The following PCM1 variants were observed in gnomAD, a reference collection of about 807,000 sequenced individuals.
The protein encoded by PCM1 is pericentriolar material 1, also known as pericentriolar material 1 protein.
In PCM1, 157 loss-of-function variants were observed where a neutral mutation model predicts 241.9. The ratio of observed to expected loss-of-function variants is 0.65; its 90% CI spans 0.57 to 0.74. PCM1 has a LOEUF of 0.74. PCM1 is among the 30% of genes least tolerant of loss of function. PCM1 has a pLI of 0.00. For synonymous variants in PCM1, 1,085 were observed against 784.9 expected (o/e 1.38, Z -6.39); for missense variants, 3,478 against 2,360.1 (o/e 1.47, Z -9.81).
intron 24 of PCM1, chr8:17,983,376 T>C (rs1021560455): frequency 1.2e-5 from 9 of 726,690 alleles, no homozygotes; most frequent in Non-Finnish European, 1.2e-5. Context: ...TTTTTTTCTT[T>C]TTTAAATTTA....
intron 29 of PCM1, among the ~76,000 whole-genome samples, chr8:18,002,663 A>G (rs2090019077): frequency 1.3e-5 from 1 of 78,038 alleles, no homozygotes; most frequent in Admixed American, 1.2e-4. Context: ...GACTTCCACA[A>G]TGGTTGAACT....
rs1255939512 is a variant in PCM1 at position 18,028,539 on chromosome 8, C to G, written c.*877C>G. ...TCTGTATGCCTTCAGATAAACTTGC[C>G]TATTGAGATGGTAATTTAAAGCCAA... On this transcript the variant is annotated 3_prime_UTR_variant, in exon 39 of 39. Coordinates refer to ENST00000325083, the MANE Select transcript of PCM1 (RefSeq NM_006197.4). The G allele has an allele frequency of 4.9e-6, 1 of 203,278 alleles. No homozygotes were observed. The highest frequency in any genetic ancestry group is 7.6e-5 in the East Asian group (1 of 13,234). 12.6% of individuals were successfully genotyped at this position (203,278 alleles called of 1,614,324 possible). A position where few individuals can be genotyped will look rare whatever the true frequency, so the allele number is the denominator to read the frequency against.
At position 18,017,330 on chromosome 8, in the gene PCM1, T is replaced by TAATA. The variant is rs113731894; in HGVS notation, c.5841+2491_5841+2494dup. Among the ~76,000 whole-genome samples the TAATA allele has an allele frequency of 7.9e-4, 120 of 152,326 alleles. 1 individual carries two copies. The highest frequency in any genetic ancestry group is 2.8e-3 in the African/African-American group (117 of 41,584). ...AAATGGTTTTTATGGTTTTATTCATTAATAGTCTCTGACTAGAGTCTGGTG... is the reference window on the plus strand; with the variant it reads ...AAATGGTTTTTATGGTTTTATTCATTAATAAATAGTCTCTGACTAGAGTCTGGTG... On this transcript the variant is annotated intron_variant, in intron 36 of 38. Coordinates refer to ENST00000325083, the MANE Select transcript of PCM1 (RefSeq NM_006197.4).
At chr8:17,931,948 C>G (rs1384900366) in intron 2 of PCM1, among the ~76,000 whole-genome samples, 2 of 152,244 alleles carry the variant, frequency 1.3e-5, no homozygotes, top group African/African-American at 4.8e-5. Context: ...AGAAAAATCA[C>G]CAGTGCCTAC....
intron 23 of PCM1, among the ~76,000 whole-genome samples, chr8:17,975,288 C>T (rs911288575): frequency 1.3e-5 from 2 of 152,070 alleles, no homozygotes; most frequent in African/African-American, 2.4e-5. Context: ...CTCATCCTCC[C>T]GAGTAGCTGG....
intron 25 of PCM1, 48 bp from the exon 26 acceptor site, chr8:17,985,911 T>G: frequency 8.1e-7 from 1 of 1,231,002 alleles, no homozygotes. Context: ...AAATGAATGA[T>G]TAAGCATGTA....
In PCM1 at chr8:17,972,312, T is replaced by G. The variant is rs1353688303; in HGVS notation, c.3585-17T>G. 1.4e-6 allele frequency: 2 copies of G among 1,409,250 alleles called. No homozygotes were observed. The highest frequency in any genetic ancestry group is 2.4e-5 in the East Asian group (1 of 42,052). 87.3% of individuals were successfully genotyped at this position (1,409,250 alleles called of 1,614,324 possible). A position where few individuals can be genotyped will look rare whatever the true frequency, so the allele number is the denominator to read the frequency against. ...ACTATAGTTGTTAACTTATAAAAAC[T>G]TGTTTTCATTGGTAAGGAATAAAAA... On this transcript the variant is annotated splice_polypyrimidine_tract_variant and intron_variant, in intron 22 of 38. Coordinates refer to ENST00000325083, the MANE Select transcript of PCM1 (RefSeq NM_006197.4).
chr8:17,963,431 G>T (rs529244448), intron 17 of PCM1, 140 bp downstream of exon 17: 2 of 572,050 alleles, frequency 3.5e-6, no homozygotes, highest in African/African-American at 3.9e-5. Context: ...TACCACCTTT[G>T]TGACCCAGTT....
Position 18,029,494 on chromosome 8 carries a change from C to G in PCM1, c.*1832C>G, listed in dbSNP as rs2094409485. ...GCCCAGCCTTACATACTGTGTTTCT[C>G]TCTCTGTCTGCATGCATATTAAAGT... is the stretch of plus-strand genomic sequence containing the variant. On this transcript the variant is annotated 3_prime_UTR_variant, in exon 39 of 39. Coordinates refer to ENST00000325083, the MANE Select transcript of PCM1 (RefSeq NM_006197.4). The G allele has an allele frequency of 4.6e-6, 1 of 215,550 alleles. No homozygotes were observed. The highest frequency in any genetic ancestry group is 6.9e-5 in the East Asian group (1 of 14,570). The allele number at this position is 215,550 out of a possible 1,614,324, so 13.4% of individuals were successfully genotyped here. A position where few individuals can be genotyped will look rare whatever the true frequency, so the allele number is the denominator to read the frequency against.
chr8:18,027,084 A>G (rs540795110), intron 38 of PCM1, among the ~76,000 whole-genome samples: 2 of 152,140 alleles, frequency 1.3e-5, no homozygotes, highest in East Asian at 3.9e-4. Context: ...TCAGTTCATC[A>G]GTTGATGAAA....
intron 16 of PCM1, 187 bp from the exon 17 acceptor site, chr8:17,962,914 A>G: frequency 2.1e-6 from 1 of 486,034 alleles, no homozygotes; most frequent in Non-Finnish European, 3.6e-6. Context: ...AAAAAAAAAA[A>G]AAATTGGCTG....
chr8:17,969,460 C>T (rs1271252249), intron 21 of PCM1, 117 bp from the exon 22 acceptor site: 2 of 710,988 alleles, frequency 2.8e-6, no homozygotes, highest in African/African-American at 1.9e-5. Flanking sequence ...TTTTAATTAA[C>T]AGTTTTTTGT....
intron 29 of PCM1, among the ~76,000 whole-genome samples, chr8:18,004,428 ACTTAT>A (rs1315426427): frequency 6.6e-6 from 1 of 152,128 alleles, no homozygotes; most frequent in African/African-American, 2.4e-5. Context: ...AAATCACAAC[ACTTAT>A]CTTGTCACCT....
At chr8:17,937,492 A>AG in intron 4 of PCM1, 113 bp downstream of exon 4, 1 of 942,006 alleles carries the variant, frequency 1.1e-6, no homozygotes, top group Non-Finnish European at 1.5e-6. Flanking sequence ...TTTTAAAAAA[A>AG]GTTTCTGTGC....
rs1189732275 is a variant in PCM1 at position 17,964,566 on chromosome 8, A to G, written c.2655-2A>G. 1 of 1,611,522 alleles carries G rather than the reference A, an allele frequency of 6.2e-7. No individual in the cohort carries two copies. Among genetic ancestry groups the G allele is most frequent in the Non-Finnish European group, 8.5e-7 (1 of 1,178,242 alleles). ...ATCTGTTTTATGTCTCTTAATCACT[A>G]GAACGATGGCAACTTGGGGAGGGTC... On this transcript the variant is annotated splice_acceptor_variant, in intron 17 of 38. Coordinates refer to ENST00000325083, the MANE Select transcript of PCM1 (RefSeq NM_006197.4). LOFTEE classifies it high-confidence loss of function.
chr8:17,943,625 CTCT>C (rs1467430818), intron 6 of PCM1, among the ~76,000 whole-genome samples: 8 of 151,564 alleles, frequency 5.3e-5, no homozygotes, highest in South Asian at 2.1e-4. Context: ...TTTTTGAATT[CTCT>C]TCTTGGCATT....
At chr8:17,934,750 C>G (rs749686678) in intron 2 of PCM1, 1 of 152,152 alleles carries the variant, frequency 6.6e-6, no homozygotes, top group Non-Finnish European at 1.5e-5. Context: ...AGTGGAAATC[C>G]AAAGTCTTCT....
chr8:17,960,001 G>C lies in PCM1; in HGVS notation c.2041-13G>C, dbSNP rs752208609. ...GGTATCAAGATTGTTTTAATGTAAT[G>C]ATGCTCTTTCAGGATGATGATGCAG... On this transcript the variant is annotated splice_polypyrimidine_tract_variant and intron_variant, in intron 13 of 38. Coordinates refer to ENST00000325083, the MANE Select transcript of PCM1 (RefSeq NM_006197.4). 2.2e-5 allele frequency: 36 copies of C among 1,610,612 alleles called. No homozygotes were observed. The highest frequency in any genetic ancestry group is 2.9e-5 in the Non-Finnish European group (34 of 1,178,298).
rs573239117 is a variant in PCM1, at chr8:18,029,561, A to G, written c.*1899A>G. The G allele has an allele frequency of 1.1e-5, 2 of 189,154 alleles. No homozygotes were observed. The highest frequency in any genetic ancestry group is 2.1e-4 in the South Asian group (1 of 4,854). 11.7% of individuals were successfully genotyped at this position (189,154 alleles called of 1,614,324 possible). A position where few individuals can be genotyped will look rare whatever the true frequency, so the allele number is the denominator to read the frequency against. ...TATCTTAGTTATTACCATAGTACCTATGAACCTTATCAAAATTGCTTATTT... is the reference window on the plus strand; with the variant it reads ...TATCTTAGTTATTACCATAGTACCTGTGAACCTTATCAAAATTGCTTATTT... On this transcript the variant is annotated 3_prime_UTR_variant, in exon 39 of 39. Coordinates refer to ENST00000325083, the MANE Select transcript of PCM1 (RefSeq NM_006197.4).
Sources: allele counts gnomAD v4.1 joint callset (sites outside exome capture counted in the v4.1 genomes callset), GRCh38; gene constraint gnomAD v4.1.1; transcripts MANE v1.5; gene names NCBI Gene and HGNC (gene_info 2026-07-23, HGNC 2026-07-21).